Variants in COBL observed in about 807,000 individuals in gnomAD.
COBL encodes cordon-bleu WH2 repeat protein, also known as protein cordon-bleu.
A neutral mutation model predicts 98.8 loss-of-function variants in COBL; 51 were observed. The observed-to-expected ratio is 0.52, with a 90% CI of 0.41 to 0.65. COBL has a LOEUF of 0.65. Among genes scored for constraint, COBL ranks in the 30% least tolerant of loss-of-function variants. The pLI, the probability that COBL is intolerant of heterozygous loss-of-function variation, is 0.00. For missense variants in COBL, 1,617 were observed against 1,617.5 expected, an observed-to-expected ratio of 1.00 and a Z score of 0.01; for synonymous variants, 634 against 651.7, an observed-to-expected ratio of 0.97 and a Z score of 0.41.
At chr7:51,303,858 T>C (rs892681352) in intron 1 of COBL, among the ~76,000 whole-genome samples, 3 of 152,188 alleles carry the variant, frequency 2.0e-5, no homozygotes, top group Non-Finnish European at 4.4e-5. Context: ...GGTCACCCAA[T>C]GCTGTTATTT....
chr7:51,201,762 T>C (rs1343014799), intron 2 of COBL, among the ~76,000 whole-genome samples: 3 of 152,186 alleles, frequency 2.0e-5, no homozygotes. Context: ...CCAAGTGCCT[T>C]TTCCAGCCAT....
At chr7:51,227,842 T>C (rs1794354136) in intron 1 of COBL, among the ~76,000 whole-genome samples, 1 of 152,022 alleles carries the variant, frequency 6.6e-6, no homozygotes, top group Non-Finnish European at 1.5e-5. Flanking sequence ...ATCAAAGCTT[T>C]CCCCACTGTC....
chr7:51,110,707 G>A (rs1796745347), intron 6 of COBL, among the ~76,000 whole-genome samples: 1 of 152,154 alleles, frequency 6.6e-6, no homozygotes, highest in African/African-American at 2.4e-5. Flanking sequence ...TTGCCCACAA[G>A]TCCCCAAAGT....
At chr7:51,110,455 T>C (rs760428118) in intron 6 of COBL, among the ~76,000 whole-genome samples, 2 of 152,242 alleles carry the variant, frequency 1.3e-5, no homozygotes, top group Non-Finnish European at 2.9e-5. Context: ...TTTTCCTTTA[T>C]AGCAGAATAG....
intron 9 of COBL, among the ~76,000 whole-genome samples, chr7:51,029,868 A>T (rs986305017): frequency 1.3e-5 from 2 of 152,342 alleles, no homozygotes; most frequent in African/African-American, 2.4e-5. Context: ...ACTGATTTGT[A>T]GATCCAAGCC....
At position 51,136,153 on chromosome 7, in the gene COBL, C is replaced by T. The variant is rs757761068; in HGVS notation, c.957+5G>A. 8 of 1,609,770 alleles carry T rather than the reference C, an allele frequency of 5.0e-6. No individual in the cohort carries two copies. Among genetic ancestry groups the T allele is most frequent in the African/African-American group, 1.3e-5 (1 of 74,752 alleles). On this transcript the variant is annotated splice_donor_5th_base_variant and intron_variant, in intron 6 of 12. Transcript: ENST00000265136. ...TTTGGTTGTGAGAACAGCCCACTGC[C>T]CTACCTTTTCCGATGCCTTGTCTTG...
At chr7:51,182,874 T>C (rs183019223) in intron 5 of COBL, among the ~76,000 whole-genome samples, 9 of 152,248 alleles carry the variant, frequency 5.9e-5, no homozygotes, top group African/African-American at 2.2e-4. Flanking sequence ...ATCTGAGGTT[T>C]GTGAAAAACT....
intron 6 of COBL, among the ~76,000 whole-genome samples, chr7:51,087,508 G>GT (rs1036072116): frequency 1.7e-4 from 26 of 151,570 alleles, no homozygotes; most frequent in East Asian, 1.6e-3. Flanking sequence ...GTTGTTGCTT[G>GT]TTTTTTTTGA....
intron 6 of COBL, among the ~76,000 whole-genome samples, chr7:51,099,472 G>A (rs1273951654): frequency 6.6e-6 from 1 of 152,182 alleles, no homozygotes; most frequent in Non-Finnish European, 1.5e-5. Flanking sequence ...AAAAGGTTAT[G>A]CTAAGTGAAA....
At chr7:51,316,245 G>A (rs1458733880) in intron 1 of COBL, 2 of 202,296 alleles carry the variant, frequency 9.9e-6, no homozygotes, top group Non-Finnish European at 2.0e-5. Context: ...CCACCCCTAC[G>A]GCAAACACTT....
At chr7:51,147,013 G>A (rs180835594) in intron 5 of COBL, among the ~76,000 whole-genome samples, 1 of 152,150 alleles carries the variant, frequency 6.6e-6, no homozygotes, top group Non-Finnish European at 1.5e-5. Flanking sequence ...TTAACCTGCA[G>A]GAAGTGTTCT....
intron 1 of COBL, among the ~76,000 whole-genome samples, chr7:51,267,991 C>G (rs146283637): frequency 0.011 from 1,645 of 152,226 alleles, 24 homozygotes; most frequent in African/African-American, 0.037. Flanking sequence ...CTTTTGAGAC[C>G]ACGGCTCTAT....
At chr7:51,074,013 A>T (rs968949624) in intron 7 of COBL, among the ~76,000 whole-genome samples, 3 of 152,096 alleles carry the variant, frequency 2.0e-5, no homozygotes, top group Non-Finnish European at 4.4e-5. Flanking sequence ...ATTACATGAG[A>T]GTAGCTTTAA....
chr7:51,193,549 T>G lies in COBL; in HGVS notation c.286A>C (p.Asn96His). 2 of 1,614,176 alleles carry G rather than the reference T, an allele frequency of 1.2e-6. No individual in the cohort carries two copies. The highest frequency in any genetic ancestry group is 1.7e-6 in the Non-Finnish European group (2 of 1,180,028). The change falls in exon 3 of 13, where the codon AAC becomes CAC. Residue 96 changes from asparagine (N) to histidine (H), a missense_variant. Asn to His is a moderately conservative substitution (Grantham distance 68, BLOSUM62 1). This residue lies in a region of COBL where 238 missense variants were observed against 215.0 expected (regional missense o/e 1.11). Coordinates refer to ENST00000265136, the MANE Select transcript of COBL (RefSeq NM_015198.5). ...GCATGGTGGGATGGATTCAGGTGGTTCTGAAGGCAAAGTTCAACCAGTAGG... is the reference window on the plus strand; with the variant it reads ...GCATGGTGGGATGGATTCAGGTGGTGCTGAAGGCAAAGTTCAACCAGTAGG... The part of the protein sequence containing the change: ...MDLLVELCLQ[N>H]HLNPSHHALE...
chr7:51,281,785 G>A (rs1252965871), intron 1 of COBL, among the ~76,000 whole-genome samples: 1 of 152,134 alleles, frequency 6.6e-6, no homozygotes, highest in Non-Finnish European at 1.5e-5. Context: ...AATTGTTAAA[G>A]TAAGTTCTTC....
At chr7:51,089,010 T>C (rs1794551913) in intron 6 of COBL, among the ~76,000 whole-genome samples, 1 of 152,176 alleles carries the variant, frequency 6.6e-6, no homozygotes, top group South Asian at 2.1e-4. Flanking sequence ...CATCTGGTTG[T>C]GGTGGGCAGG....
At chr7:51,158,671 C>T (rs2129031812) in intron 5 of COBL, among the ~76,000 whole-genome samples, 1 of 151,938 alleles carries the variant, frequency 6.6e-6, no homozygotes, top group African/African-American at 2.4e-5. Context: ...GGAAAGTGTC[C>T]GCCCCTGCCC....
At chr7:51,159,166 T>C (rs961192108) in intron 5 of COBL, among the ~76,000 whole-genome samples, 1 of 152,108 alleles carries the variant, frequency 6.6e-6, no homozygotes, top group Admixed American at 6.5e-5. Context: ...CGCTGCGCTC[T>C]GGATGCCGCG....
chr7:51,162,779 C>T (rs981179641), intron 5 of COBL, among the ~76,000 whole-genome samples: 4 of 152,232 alleles, frequency 2.6e-5, no homozygotes, highest in African/African-American at 9.6e-5. Flanking sequence ...GAAAGCTCGG[C>T]TTTAACACCC....
Sources: gnomAD v4.1 joint callset for allele counts (sites outside exome capture counted in the v4.1 genomes callset) on GRCh38, gnomAD v4.1.1 for gene constraint, gnomAD v4.1.1 regional missense constraint, MANE v1.5 for transcripts, NCBI Gene and HGNC (gene_info 2026-07-23, HGNC 2026-07-21) for gene names.